EYA4: variants seen among roughly 807,000 people sequenced by gnomAD.
EYA4 encodes protein phosphatase EYA4.
A neutral mutation model predicts 87.9 loss-of-function variants in EYA4; 31 were observed. The observed-to-expected ratio is 0.35, with a 90% CI of 0.27 to 0.48. EYA4 has a LOEUF of 0.48. Among genes scored for constraint, EYA4 ranks in the 20% least tolerant of loss-of-function variants. The pLI, the probability that EYA4 is intolerant of heterozygous loss-of-function variation, is 0.99. For synonymous variants in EYA4, 263 were observed against 270.6 expected (o/e 0.97, Z 0.28); for missense variants, 678 against 761.4 (o/e 0.89, Z 1.29).
At chr6:133,402,174 T>TAC (rs981914649) in intron 3 of EYA4, among the ~76,000 whole-genome samples, 68 of 151,414 alleles carry the variant, frequency 4.5e-4, no homozygotes, top group African/African-American at 1.5e-3. Context: ...CACACACACA[T>TAC]ACACACACAC....
At position 133,512,916 on chromosome 6, in the gene EYA4, C is replaced by A. The variant is rs766857002; in HGVS notation, c.1379C>A (p.Ala460Glu). The A allele has an allele frequency of 2.9e-5, 46 of 1,613,964 alleles. No individual in the cohort carries two copies. The highest frequency in any genetic ancestry group is 4.0e-5 in the African/African-American group (3 of 74,894). Reference sequence around the variant, plus strand: ...GCAACTGATGGCTTCCATGCAGCTGCAAGTAGTGCAAACCTTTGTTTGCCA... The same window carrying A: ...GCAACTGATGGCTTCCATGCAGCTGAAAGTAGTGCAAACCTTTGTTTGCCA... ...SFATDGFHAA[A>E]SSANLCLPTG... is the part of the protein sequence containing the mutation. The change falls in exon 16 of 20, where the codon GCA becomes GAA. Residue 460 changes from alanine (A) to glutamate (E), a missense_variant. By Grantham distance (107) the Ala-to-Glu change is moderately radical. Transcript: ENST00000355286.
At chr6:133,345,504 A>G (rs984634355) in intron 2 of EYA4, among the ~76,000 whole-genome samples, 1 of 152,150 alleles carries the variant, frequency 6.6e-6, no homozygotes, top group African/African-American at 2.4e-5. Flanking sequence ...TTTCCAAAGA[A>G]ATATAAATTT....
chr6:133,279,075 C>T (rs571642178), intron 2 of EYA4, among the ~76,000 whole-genome samples: 14 of 151,764 alleles, frequency 9.2e-5, no homozygotes, highest in Non-Finnish European at 1.8e-4. Flanking sequence ...TTTGGTGGTC[C>T]GGGATATTAC....
At chr6:133,278,374 T>G (rs544114256) in intron 2 of EYA4, among the ~76,000 whole-genome samples, 1 of 152,296 alleles carries the variant, frequency 6.6e-6, no homozygotes, top group East Asian at 1.9e-4. Context: ...AGCCCAGCAC[T>G]TACCCTACAG....
rs1157370984 is a variant in EYA4, at chr6:133,273,672, T to A, written c.-65-1044T>A. On this transcript the variant is annotated intron_variant, in intron 1 of 19. Coordinates refer to ENST00000355286, the MANE Select transcript of EYA4 (RefSeq NM_004100.5). ...TTTTATTATAATCTTTTAATTTTTC[T>A]TTTTTAGAATTAGAATTTGAACACT... Among the ~76,000 whole-genome samples, 5 of 152,208 alleles carry A rather than the reference T, an allele frequency of 3.3e-5. No individual in the cohort carries two copies. In the East Asian group the frequency reaches 9.6e-4, roughly 29 times the overall value.
At chr6:133,480,499 G>C (rs1796110809) in intron 11 of EYA4, among the ~76,000 whole-genome samples, 1 of 152,158 alleles carries the variant, frequency 6.6e-6, no homozygotes, top group South Asian at 2.1e-4. Flanking sequence ...TTGTCATGTT[G>C]CTAGTGTGGA....
intron 1 of EYA4, among the ~76,000 whole-genome samples, chr6:133,273,915 G>T (rs949211281): frequency 1.3e-5 from 2 of 152,122 alleles, no homozygotes; most frequent in African/African-American, 4.8e-5. Flanking sequence ...GTGGGTGTGT[G>T]TGTGTGCGTG....
rs1350390695 is a variant in EYA4 at position 133,398,995 on chromosome 6, CTATT to C, written c.83+16559_83+16562del. On this transcript the variant is annotated intron_variant, in intron 3 of 19. Transcript: ENST00000355286. ...TAAGTATAAGATACAATGTCACTAC[CTATT>C]TATTCATCTTTTAGCTAAATATATG... Among the ~76,000 whole-genome samples, 10 of 152,234 alleles carry C rather than the reference CTATT, an allele frequency of 6.6e-5. 1 individual carries two copies. In the South Asian group the frequency reaches 1.7e-3, roughly 25 times the overall value.
chr6:133,270,973 C>A (rs114135194), intron 1 of EYA4, among the ~76,000 whole-genome samples: 12 of 152,122 alleles, frequency 7.9e-5, no homozygotes, highest in African/African-American at 2.9e-4. Context: ...GTTGTTGTCT[C>A]TCCTGGTGGC....
At chr6:133,346,675 T>C (rs1266703589) in intron 2 of EYA4, among the ~76,000 whole-genome samples, 1 of 152,202 alleles carries the variant, frequency 6.6e-6, no homozygotes, top group East Asian at 1.9e-4. Flanking sequence ...TCTGTCTTCC[T>C]ATCACTTTCA....
intron 2 of EYA4, among the ~76,000 whole-genome samples, chr6:133,369,463 C>T (rs192027867): frequency 3.3e-4 from 50 of 152,096 alleles, no homozygotes; most frequent in East Asian, 1.9e-4. Context: ...CTTCAGTCTA[C>T]CTCAGATGAA....
chr6:133,520,240 T>C (rs1316470905), intron 17 of EYA4, among the ~76,000 whole-genome samples: 4 of 149,806 alleles, frequency 2.7e-5, no homozygotes, highest in Non-Finnish European at 5.9e-5. Context: ...AAAACCCCAT[T>C]GTCTCAGCCC....
intron 3 of EYA4, among the ~76,000 whole-genome samples, chr6:133,398,258 A>T (rs913596368): frequency 6.6e-6 from 1 of 152,194 alleles, no homozygotes; most frequent in Non-Finnish European, 1.5e-5. Context: ...AATTGAGTCC[A>T]TGTGTATGCT....
chr6:133,249,194 T>G (rs1774682922), intron 1 of EYA4, among the ~76,000 whole-genome samples: 1 of 152,154 alleles, frequency 6.6e-6, no homozygotes, highest in Admixed American at 6.6e-5. Context: ...TTACATACCA[T>G]TCCCAGGAAT....
chr6:133,435,912 C>A (rs1791625728), intron 3 of EYA4, among the ~76,000 whole-genome samples: 1 of 152,102 alleles, frequency 6.6e-6, no homozygotes, highest in Admixed American at 6.5e-5. Context: ...AGATCTAACA[C>A]TGCACATATA....
intron 3 of EYA4, chr6:133,439,525 C>T (rs1389127063): frequency 1.3e-5 from 2 of 152,168 alleles, no homozygotes; most frequent in African/African-American, 4.8e-5. Context: ...AGGAAAAAGG[C>T]ATATGGGGCA....
At chr6:133,394,283 T>TGTTTTTTTTTTG (rs1366985713) in intron 3 of EYA4, among the ~76,000 whole-genome samples, 43 of 19,684 alleles carry the variant, frequency 2.2e-3, no homozygotes, top group African/African-American at 3.4e-3. Flanking sequence ...TATAAGCTTG[T>TGTTTTTTTTTTG]GTTTTTTTTT....
intron 11 of EYA4, among the ~76,000 whole-genome samples, chr6:133,470,133 G>T (rs555470710): frequency 0.051 from 7,619 of 149,736 alleles, 556 homozygotes; most frequent in African/African-American, 0.17. Context: ...TGTTGCCATT[G>T]CTTTTGGTGT....
chr6:133,495,517 G>A (rs1290453447), intron 13 of EYA4, among the ~76,000 whole-genome samples: 1 of 150,530 alleles, frequency 6.6e-6, no homozygotes, highest in Non-Finnish European at 1.5e-5. Context: ...GCTGGACCAG[G>A]CAAGGACTCT....
Sources: allele counts gnomAD v4.1 joint callset (sites outside exome capture counted in the v4.1 genomes callset), GRCh38; gene constraint gnomAD v4.1.1; transcripts MANE v1.5; gene names NCBI Gene and HGNC (gene_info 2026-07-23, HGNC 2026-07-21).